Variants in MAPK10 observed in about 807,000 individuals in gnomAD.
MAPK10 encodes mitogen-activated protein kinase 10.
A neutral mutation model predicts 59.3 loss-of-function variants in MAPK10; 25 were observed. The ratio of observed to expected loss-of-function variants is 0.42; its 90% CI spans 0.31 to 0.59. The LOEUF is 0.59. MAPK10 is among the 20% of genes least tolerant of loss of function. The pLI, the probability that MAPK10 is intolerant of heterozygous loss-of-function variation, is 0.15. For missense variants in MAPK10, 351 were observed against 568.9 expected, an observed-to-expected ratio of 0.62 and a Z score of 3.90; for synonymous variants, 190 against 200.5, an observed-to-expected ratio of 0.95 and a Z score of 0.44.
chr4:86,322,115 A>G (rs1578225548), intron 2 of MAPK10: 1 of 152,222 alleles, frequency 6.6e-6, no homozygotes, highest in East Asian at 1.9e-4. Context: ...AATCCATGAT[A>G]ACTAAAATAT....
intron 4 of MAPK10, among the ~76,000 whole-genome samples, chr4:86,143,812 T>G (rs1229971178): frequency 6.6e-6 from 1 of 152,222 alleles, no homozygotes; most frequent in Non-Finnish European, 1.5e-5. Flanking sequence ...AAGAATGACT[T>G]TCTTTTACAA....
At chr4:86,072,433 A>T (rs1451809728) in intron 9 of MAPK10, among the ~76,000 whole-genome samples, 2 of 142,160 alleles carry the variant, frequency 1.4e-5, no homozygotes, top group Non-Finnish European at 3.0e-5. Flanking sequence ...CACTATGTTG[A>T]ATAGGAGTGG....
At chr4:86,206,232 T>C (rs1232404153) in intron 2 of MAPK10, among the ~76,000 whole-genome samples, 5 of 151,668 alleles carry the variant, frequency 3.3e-5, no homozygotes, top group Admixed American at 2.6e-4. Context: ...AGTGTGATGT[T>C]CCCCTTCCTG....
At chr4:86,112,148 C>CG (rs1307975112) in intron 4 of MAPK10, among the ~76,000 whole-genome samples, 3,794 of 144,840 alleles carry the variant, frequency 0.026, 159 homozygotes, top group African/African-American at 0.091. Context: ...TTAACTTTTC[C>CG]AAAAAAAAAA....
chr4:86,450,251 G>A (rs1224116723), intron 1 of MAPK10, among the ~76,000 whole-genome samples: 1 of 152,206 alleles, frequency 6.6e-6, no homozygotes, highest in Admixed American at 6.5e-5. Flanking sequence ...GTGGAGTTTA[G>A]TCAGAGTGAA....
At chr4:86,029,513 G>A (rs1019364474) in intron 12 of MAPK10, among the ~76,000 whole-genome samples, 3 of 151,908 alleles carry the variant, frequency 2.0e-5, no homozygotes, top group South Asian at 4.1e-4. Context: ...TTATTTCTAC[G>A]TACATGAAAC....
intron 2 of MAPK10, among the ~76,000 whole-genome samples, chr4:86,237,493 T>C (rs754145863): frequency 1.1e-4 from 16 of 152,186 alleles, no homozygotes; most frequent in Non-Finnish European, 1.6e-4. Flanking sequence ...GCGTTGCTAT[T>C]TCTCCACAGC....
intron 2 of MAPK10, among the ~76,000 whole-genome samples, chr4:86,293,798 C>G (rs1194104186): frequency 6.6e-6 from 1 of 152,096 alleles, no homozygotes; most frequent in Admixed American, 6.6e-5. Flanking sequence ...GATCTCAAAA[C>G]AACTCACTCA....
intron 1 of MAPK10, among the ~76,000 whole-genome samples, chr4:86,408,097 G>A (rs184030347): frequency 0.013 from 1,351 of 104,276 alleles, 13 homozygotes; most frequent in Non-Finnish European, 0.019. Context: ...TCCCCGCCCT[G>A]TGTCCATGTG....
chr4:86,070,782 A>T (rs1360044336), intron 9 of MAPK10, among the ~76,000 whole-genome samples: 2 of 151,560 alleles, frequency 1.3e-5, no homozygotes, highest in African/African-American at 4.9e-5. Context: ...TTCTTAATCC[A>T]GTCTATCATT....
intron 2 of MAPK10, among the ~76,000 whole-genome samples, chr4:86,290,905 T>C (rs2095204664): frequency 6.6e-6 from 1 of 152,214 alleles, no homozygotes; most frequent in South Asian, 2.1e-4. Flanking sequence ...TGAGACTAGC[T>C]TGCTAAAAAG....
At chr4:86,404,537 G>A (rs1358474007) in intron 1 of MAPK10, among the ~76,000 whole-genome samples, 1 of 152,108 alleles carries the variant, frequency 6.6e-6, no homozygotes, top group Non-Finnish European at 1.5e-5. Context: ...TTATTTTTAT[G>A]TACTGTGGAG....
At chr4:86,217,800 A>G (rs1340008385) in intron 2 of MAPK10, among the ~76,000 whole-genome samples, 1 of 149,660 alleles carries the variant, frequency 6.7e-6, no homozygotes, top group African/African-American at 2.6e-5. Flanking sequence ...GGTAAATGCT[A>G]TATATATGCT....
chr4:86,161,676 A>G (rs1270916919), intron 3 of MAPK10, among the ~76,000 whole-genome samples: 1 of 152,038 alleles, frequency 6.6e-6, no homozygotes, highest in Non-Finnish European at 1.5e-5. Context: ...CACACACAAA[A>G]TCTTTAGCAC....
At chr4:86,561,801 G>A (rs1323127081) in intron 1 of MAPK10, among the ~76,000 whole-genome samples, 2 of 152,142 alleles carry the variant, frequency 1.3e-5, no homozygotes, top group African/African-American at 4.8e-5. Flanking sequence ...AGCAGACAGA[G>A]GACTTGCTCC....
At chr4:86,520,768 G>A (rs367829147) in intron 1 of MAPK10, among the ~76,000 whole-genome samples, 9 of 152,172 alleles carry the variant, frequency 5.9e-5, no homozygotes, top group Admixed American at 4.6e-4. Context: ...TGGAACTCAA[G>A]GGCTGCTGTT....
At chr4:86,086,101 G>A (rs2051765499) in intron 9 of MAPK10, among the ~76,000 whole-genome samples, 1 of 152,084 alleles carries the variant, frequency 6.6e-6, no homozygotes, top group South Asian at 2.1e-4. Flanking sequence ...GTGGATAGGT[G>A]CAGCAAACCA....
At chr4:86,511,310 A>C (rs1756217260) in intron 1 of MAPK10, among the ~76,000 whole-genome samples, 1 of 151,152 alleles carries the variant, frequency 6.6e-6, no homozygotes, top group African/African-American at 2.4e-5. Context: ...GTAAGGAGAC[A>C]TTTTGGGAGG....
intron 2 of MAPK10, among the ~76,000 whole-genome samples, chr4:86,206,208 G>A (rs141149829): frequency 0.083 from 12,169 of 146,968 alleles, 1,102 homozygotes; most frequent in African/African-American, 0.23. Context: ...CCCCCACCTC[G>A]CAACAGTCCC....
Sources: allele counts gnomAD v4.1 joint callset (sites outside exome capture counted in the v4.1 genomes callset), GRCh38; gene constraint gnomAD v4.1.1; transcripts MANE v1.5; gene names NCBI Gene and HGNC (gene_info 2026-07-23, HGNC 2026-07-21).